The following UBE3D variants were observed in gnomAD, a reference collection of about 807,000 sequenced individuals.
UBE3D encodes the protein E3 ubiquitin-protein ligase E3D.
Under a neutral mutation model 49.6 loss-of-function variants are expected in UBE3D, and 48 were observed. The observed-to-expected ratio is 0.97, with a 90% CI of 0.77 to 1.23. UBE3D has a LOEUF of 1.23. UBE3D is among the 50% of genes most tolerant of loss of function. The pLI, the probability that UBE3D is intolerant of heterozygous loss-of-function variation, is 0.00. For missense variants in UBE3D, 452 were observed against 468.4 expected, an observed-to-expected ratio of 0.96 and a Z score of 0.32; for synonymous variants, 189 against 174.2, an observed-to-expected ratio of 1.08 and a Z score of -0.67.
rs550283314 is a variant in UBE3D, at chr6:82,919,351, C to G, written c.1150-26309G>C. Among the ~76,000 whole-genome samples, 298 of 152,008 alleles carry G rather than the reference C, an allele frequency of 2.0e-3. 3 individuals are homozygous for G. Among genetic ancestry groups the G allele is most frequent in the African/African-American group, 6.3e-3 (260 of 41,468 alleles). ...AGGCACGGTGGCTCATGCCTGTAAT[C>G]TCAGCACTTTGGGAGGCTGAGGCAA... On this transcript the variant is annotated intron_variant, in intron 9 of 9. Transcript: ENST00000369747.
At chr6:83,063,702 G>C (rs778097293) in intron 1 of UBE3D, among the ~76,000 whole-genome samples, 28 of 152,120 alleles carry the variant, frequency 1.8e-4, no homozygotes, top group Non-Finnish European at 3.4e-4. Context: ...ACACACACTA[G>C]AATGGTTCAA....
At chr6:82,897,994 C>A (rs1373053768) in intron 9 of UBE3D, among the ~76,000 whole-genome samples, 3 of 152,162 alleles carry the variant, frequency 2.0e-5, no homozygotes, top group Non-Finnish European at 4.4e-5. Context: ...AGAAAACAAA[C>A]AACCCCATCA....
chr6:82,900,443 C>G (rs866808836), intron 9 of UBE3D, among the ~76,000 whole-genome samples: 1 of 152,116 alleles, frequency 6.6e-6, no homozygotes, highest in African/African-American at 2.4e-5. Context: ...TATTGTGGAA[C>G]AAAATAGATT....
chr6:83,032,181 T>C (rs1781923872), intron 5 of UBE3D: 1 of 455,980 alleles, frequency 2.2e-6, no homozygotes, highest in Non-Finnish European at 4.4e-6. Flanking sequence ...TTACACCGTA[T>C]GCCTAGAAAA....
At chr6:83,033,399 T>A (rs2127794193) in intron 5 of UBE3D, among the ~76,000 whole-genome samples, 1 of 152,314 alleles carries the variant, frequency 6.6e-6, no homozygotes. Flanking sequence ...ATCACTGATA[T>A]GGTTTGGAGC....
chr6:82,960,081 G>A (rs993666200), intron 8 of UBE3D, among the ~76,000 whole-genome samples: 1 of 152,160 alleles, frequency 6.6e-6, no homozygotes, highest in Non-Finnish European at 1.5e-5. Context: ...AAGGCATCCT[G>A]TCCACACAGC....
the UBE3D span, among the ~76,000 whole-genome samples, chr6:82,884,324 C>T: frequency 1.3e-5 from 2 of 152,144 alleles, no homozygotes; most frequent in African/African-American, 2.4e-5. Context: ...ACCTACACCT[C>T]ATATGGGGCA....
intron 8 of UBE3D, among the ~76,000 whole-genome samples, chr6:83,008,404 A>C (rs928379210): frequency 6.6e-6 from 1 of 152,224 alleles, no homozygotes; most frequent in African/African-American, 2.4e-5. Context: ...AAAATGTGAT[A>C]TATGAAATAA....
intron 5 of UBE3D, among the ~76,000 whole-genome samples, chr6:83,035,405 G>C (rs1782178677): frequency 6.6e-6 from 1 of 152,096 alleles, no homozygotes; most frequent in Non-Finnish European, 1.5e-5. Flanking sequence ...ATAAACCTTT[G>C]AGAATTGTGT....
At chr6:82,886,572 A>C in the UBE3D span, among the ~76,000 whole-genome samples, 24 of 152,300 alleles carry the variant, frequency 1.6e-4, no homozygotes, top group African/African-American at 5.8e-4. Flanking sequence ...AAAAGTAAAC[A>C]CAAGCATTGA....
rs150889615 is a variant in UBE3D, at chr6:83,001,361, G to A, written c.1010+17612C>T. Reference sequence around the variant, plus strand: ...TAGCACAAGAGTACACATTTAATAAGTATTTGCTGAACGAATCAATGACCT... The same window carrying A: ...TAGCACAAGAGTACACATTTAATAAATATTTGCTGAACGAATCAATGACCT... On this transcript the variant is annotated intron_variant, in intron 8 of 9. Transcript: ENST00000369747. Among the ~76,000 whole-genome samples, 355 of 152,300 alleles carry A rather than the reference G, an allele frequency of 2.3e-3. 2 individuals are homozygous for A. The highest frequency in any genetic ancestry group is 8.1e-3 in the African/African-American group (335 of 41,576).
At chr6:82,980,743 A>G (rs750223543) in intron 8 of UBE3D, among the ~76,000 whole-genome samples, 8 of 151,820 alleles carry the variant, frequency 5.3e-5, no homozygotes, top group Admixed American at 2.0e-4. Flanking sequence ...CTTGATTTCT[A>G]TATGGTAAGA....
intron 8 of UBE3D, among the ~76,000 whole-genome samples, chr6:82,988,494 T>C (rs1303288981): frequency 2.6e-5 from 4 of 152,136 alleles, no homozygotes; most frequent in Non-Finnish European, 4.4e-5. Flanking sequence ...ACTGACACAA[T>C]GAGCAATGAA....
chr6:82,967,782 G>C (rs752295235), intron 8 of UBE3D, among the ~76,000 whole-genome samples: 1 of 151,576 alleles, frequency 6.6e-6, no homozygotes, highest in Non-Finnish European at 1.5e-5. Flanking sequence ...GCTGATTCTA[G>C]AGGTGTGCAC....
intron 9 of UBE3D, among the ~76,000 whole-genome samples, chr6:82,934,176 C>T (rs1774380902): frequency 6.6e-6 from 1 of 152,162 alleles, no homozygotes; most frequent in Non-Finnish European, 1.5e-5. Context: ...CTCTCTCACC[C>T]ACCGCCATGT....
intron 6 of UBE3D, among the ~76,000 whole-genome samples, chr6:83,023,393 C>CT (rs1237217220): frequency 6.6e-6 from 1 of 152,110 alleles, no homozygotes; most frequent in Non-Finnish European, 1.5e-5. Context: ...ATCCTCAAAA[C>CT]TTTTATATGT....
chr6:83,061,843 A>T (rs1328219191), intron 1 of UBE3D, among the ~76,000 whole-genome samples: 1 of 152,168 alleles, frequency 6.6e-6, no homozygotes, highest in Non-Finnish European at 1.5e-5. Context: ...ACACTGCCAT[A>T]AGATCTTTTA....
chr6:83,024,023 T>A lies in UBE3D; in HGVS notation c.683A>T (p.Tyr228Phe). 6.5e-7 allele frequency: 1 copy of A among 1,531,670 alleles called. No individual in the cohort carries two copies. Among genetic ancestry groups the A allele is most frequent in the Non-Finnish European group, 8.7e-7 (1 of 1,145,226 alleles). 94.9% of individuals were successfully genotyped at this position (1,531,670 alleles called of 1,614,324 possible). The change falls in exon 6 of 10, where the codon TAT becomes TTT. Residue 228 changes from tyrosine to phenylalanine, a missense_variant. Transcript: ENST00000369747. ...TGACTGAATAATTATCTCTGTCATA[T>A]AAAACTTGGTGGTTTCTAGAAACAA... ...ETVSSETTKF[Y>F]MTEIIIQSSE...
intron 9 of UBE3D, among the ~76,000 whole-genome samples, chr6:82,912,306 CT>C (rs917047152): frequency 6.6e-6 from 1 of 151,930 alleles, no homozygotes; most frequent in African/African-American, 2.4e-5. Flanking sequence ...TTATTCTATG[CT>C]TTTTTTCTTC....
Sources: gnomAD v4.1 joint callset for allele counts (sites outside exome capture counted in the v4.1 genomes callset) on GRCh38, gnomAD v4.1.1 for gene constraint, MANE v1.5 for transcripts, NCBI Gene and HGNC (gene_info 2026-07-23, HGNC 2026-07-21) for gene names.